PAX2: variants seen among roughly 807,000 people sequenced by gnomAD.
PAX2 encodes the protein paired box 2.
PAX2 carries 9 observed loss-of-function variants against 41.7 expected under a neutral mutation model. The ratio of observed to expected loss-of-function variants is 0.22; its 90% CI spans 0.13 to 0.38. PAX2 has a LOEUF of 0.38. Ranked by LOEUF, PAX2 falls within the 10% of genes least tolerant of loss-of-function variation. The probability of loss-of-function intolerance (pLI) is 1.00; values close to 1 mark genes in which losing one functional copy is unlikely to be tolerated. For synonymous variants in PAX2, 221 were observed against 212.7 expected (o/e 1.04, Z -0.34); for missense variants, 418 against 531.6 (o/e 0.79, Z 2.10).
intron 1 of PAX2, among the ~76,000 whole-genome samples, chr10:100,737,935 G>C (rs1844830581): frequency 6.6e-6 from 1 of 152,256 alleles, no homozygotes. Context: ...ATCAGGAAAG[G>C]GCGAGAGAAG....
chr10:100,760,855 T>C (rs527310948), intron 3 of PAX2, among the ~76,000 whole-genome samples: 11 of 152,280 alleles, frequency 7.2e-5, no homozygotes, highest in African/African-American at 2.6e-4. Context: ...ATCCTTCCTC[T>C]AGGGACCAAT....
intron 3 of PAX2, among the ~76,000 whole-genome samples, chr10:100,751,980 T>C (rs544689956): frequency 6.6e-6 from 1 of 152,388 alleles, no homozygotes; most frequent in Admixed American, 6.5e-5. Context: ...ATAATTCACA[T>C]GGTGCCTTAT....
intron 3 of PAX2, among the ~76,000 whole-genome samples, chr10:100,770,200 C>A (rs560640833): frequency 6.6e-6 from 1 of 152,310 alleles, no homozygotes; most frequent in East Asian, 1.9e-4. Flanking sequence ...GGGAGGTGAG[C>A]ATGCCTGTGG....
intron 3 of PAX2, among the ~76,000 whole-genome samples, chr10:100,771,871 G>A (rs891730455): frequency 2.0e-5 from 3 of 150,946 alleles, no homozygotes; most frequent in Non-Finnish European, 4.4e-5. Flanking sequence ...GCAGTGGCGC[G>A]ATCTCTGCTC....
At chr10:100,738,581 G>A (rs895266053) in intron 1 of PAX2, among the ~76,000 whole-genome samples, 1 of 152,150 alleles carries the variant, frequency 6.6e-6, no homozygotes, top group African/African-American at 2.4e-5. Flanking sequence ...CTCCTTAATT[G>A]ATTCAGAAAT....
At chr10:100,784,547 C>A (rs1388482455) in intron 5 of PAX2, among the ~76,000 whole-genome samples, 1 of 152,188 alleles carries the variant, frequency 6.6e-6, no homozygotes, top group Non-Finnish European at 1.5e-5. Context: ...GGAAGCTGCT[C>A]CTCTTTTGCT....
In PAX2 at chr10:100,748,004, G is replaced by A; in HGVS notation, c.43+1701G>A. ...AGGGAGAGAGCCGCAGCGCGGGCCC[G>A]CGGGCCGGTGGACTGGTGGGTGAGA... On this transcript the variant is annotated intron_variant, in intron 1 of 9. Transcript: ENST00000355243. The surrounding 1 kb of genome is among the most constrained non-coding windows in gnomAD (Gnocchi z 5.0). 2.0e-6 allele frequency: 2 copies of A among 984,064 alleles called. No homozygotes were observed. Among genetic ancestry groups the A allele is most frequent in the Non-Finnish European group, 2.4e-6 (2 of 829,698 alleles). 61.0% of individuals were successfully genotyped at this position (984,064 alleles called of 1,614,324 possible).
rs1465513655 is a variant in PAX2 at position 100,779,636 on chromosome 10, G to A, written c.496+53G>A. On this transcript the variant is annotated intron_variant, in intron 4 of 9. Transcript: ENST00000355243. Reference sequence around the variant, plus strand: ...ACCAGATCCCACCTAGAGAAAGGCAGGAAACGCAGCTCCACCCCTGGGAAC... The same window carrying A: ...ACCAGATCCCACCTAGAGAAAGGCAAGAAACGCAGCTCCACCCCTGGGAAC... The A allele has an allele frequency of 3.6e-6, 5 of 1,395,774 alleles. No individual in the cohort carries two copies. In the African/African-American group the frequency reaches 4.3e-5, roughly 12 times the overall value. The allele number at this position is 1,395,774 out of a possible 1,614,324, so 86.5% of individuals were successfully genotyped here.
At chr10:100,764,381 A>T (rs551945034) in intron 3 of PAX2, among the ~76,000 whole-genome samples, 96 of 152,194 alleles carry the variant, frequency 6.3e-4, no homozygotes, top group African/African-American at 2.1e-3. Flanking sequence ...TGACCTTGTG[A>T]TCCACCCACC....
At chr10:100,755,793 A>G (rs1279605725) in intron 3 of PAX2, among the ~76,000 whole-genome samples, 2 of 152,176 alleles carry the variant, frequency 1.3e-5, no homozygotes, top group Non-Finnish European at 2.9e-5. Context: ...ACAACAGTTC[A>G]ATAGAGGGGC....
At chr10:100,737,825 C>A (rs1008658702) in intron 1 of PAX2, among the ~76,000 whole-genome samples, 1 of 152,210 alleles carries the variant, frequency 6.6e-6, no homozygotes, top group African/African-American at 2.4e-5. Context: ...CGTGACCGAA[C>A]GTGCCTGCCG....
upstream of PAX2, among the ~76,000 whole-genome samples, chr10:100,744,234 C>T (rs966764444): frequency 3.9e-5 from 6 of 152,220 alleles, no homozygotes; most frequent in Admixed American, 3.9e-4. Flanking sequence ...CAGACGGGGG[C>T]TGGAGGAATC....
intron 5 of PAX2, among the ~76,000 whole-genome samples, chr10:100,798,557 C>T (rs1272193425): frequency 6.6e-6 from 1 of 152,108 alleles, no homozygotes; most frequent in Non-Finnish European, 1.5e-5. Context: ...CCTTTCCCAG[C>T]CCGGCCCTCT....
Position 100,826,084 on chromosome 10 carries a change from T to A in PAX2, c.1022-925T>A, listed in dbSNP as rs1294350678. Among the ~76,000 whole-genome samples the A allele has an allele frequency of 6.6e-6, 1 of 151,968 alleles. No homozygotes were observed. The highest frequency in any genetic ancestry group is 1.5e-5 in the Non-Finnish European group (1 of 67,960). ...GATGAGGAAATTACACTTGTTTCATTAGCGATGGGGAAGGAGATAGCTCAG... is the reference window on the plus strand; with the variant it reads ...GATGAGGAAATTACACTTGTTTCATAAGCGATGGGGAAGGAGATAGCTCAG... On this transcript the variant is annotated intron_variant, in intron 8 of 9. Coordinates refer to ENST00000355243, the MANE Select transcript of PAX2 (RefSeq NM_000278.5). This position sits in a 1 kb window ranked among gnomAD's most constrained non-coding sequence, Gnocchi z 5.5.
chr10:100,740,242 C>T (rs1442858593), intron 1 of PAX2, among the ~76,000 whole-genome samples: 1 of 152,124 alleles, frequency 6.6e-6, no homozygotes, highest in Non-Finnish European at 1.5e-5. Flanking sequence ...CGCCTGAGGC[C>T]ACAATTAACC....
At chr10:100,804,271 TAC>T (rs10639967) in intron 5 of PAX2, among the ~76,000 whole-genome samples, 6 of 147,744 alleles carry the variant, frequency 4.1e-5, no homozygotes, top group African/African-American at 7.6e-5. Context: ...GTTCAGCCCC[TAC>T]ACACACACAC....
At chr10:100,793,519 CTCT>C (rs1238671832) in intron 5 of PAX2, among the ~76,000 whole-genome samples, 2 of 152,338 alleles carry the variant, frequency 1.3e-5, no homozygotes, top group South Asian at 2.1e-4. Context: ...GGGTGCCACG[CTCT>C]TCTTCTCCAC....
Position 100,827,173 on chromosome 10 carries a change from G to A in PAX2, c.1108+78G>A. On this transcript the variant is annotated intron_variant, in intron 9 of 9. Coordinates refer to ENST00000355243, the MANE Select transcript of PAX2 (RefSeq NM_000278.5). The surrounding 1 kb of genome is among the most constrained non-coding windows in gnomAD (Gnocchi z 8.5). The stretch of plus-strand genomic sequence containing the variant: ...GGCACGGTCCCACTCCCGGCGACCC[G>A]ACCTCTGGGGACCCGGCCGGGCCAG... 3 of 1,152,320 alleles carry A rather than the reference G, an allele frequency of 2.6e-6. No homozygotes were observed. The highest frequency in any genetic ancestry group is 3.9e-6 in the Non-Finnish European group (3 of 770,526). 71.4% of individuals were successfully genotyped at this position (1,152,320 alleles called of 1,614,324 possible). A position where few individuals can be genotyped will look rare whatever the true frequency, so the allele number is the denominator to read the frequency against.
At position 100,826,376 on chromosome 10, in the gene PAX2, G is replaced by A. The variant is rs1354182763; in HGVS notation, c.1022-633G>A. On this transcript the variant is annotated intron_variant, in intron 8 of 9. Transcript: ENST00000355243. The surrounding 1 kb of genome is among the most constrained non-coding windows in gnomAD (Gnocchi z 5.5). The stretch of plus-strand genomic sequence containing the variant: ...AGGGAGGGAGGTAGCTTCCGACGAC[G>A]GCTCCCAACCCACGGGCCCTCCGCT... 6.6e-6 allele frequency among the ~76,000 whole-genome samples: 1 copy of A among 152,142 alleles called. No individual in the cohort carries two copies. Among genetic ancestry groups the A allele is most frequent in the African/African-American group, 2.4e-5 (1 of 41,434 alleles).
Sources: allele counts gnomAD v4.1 joint callset (sites outside exome capture counted in the v4.1 genomes callset), GRCh38; gene constraint gnomAD v4.1.1; non-coding constraint Gnocchi (gnomAD v3.1); transcripts MANE v1.5; gene names NCBI Gene and HGNC (gene_info 2026-07-23, HGNC 2026-07-21).